The following FAM185A variants were observed in gnomAD, a reference collection of about 807,000 sequenced individuals.
FAM185A encodes the protein protein FAM185A.
In FAM185A, 21 loss-of-function variants were observed where a neutral mutation model predicts 45.7. The observed-to-expected ratio is 0.46, with a 90% confidence interval of 0.33 to 0.66. FAM185A has a LOEUF of 0.66. FAM185A is among the 30% of genes least tolerant of loss of function. The pLI, the probability that FAM185A is intolerant of heterozygous loss-of-function variation, is 0.03. For missense variants in FAM185A, 305 were observed against 485.4 expected, an observed-to-expected ratio of 0.63 and a Z score of 3.49; for synonymous variants, 117 against 194.0, an observed-to-expected ratio of 0.60 and a Z score of 3.30.
At chr7:102,810,814 G>A (rs1797386510), downstream of FAM185A, among the ~76,000 whole-genome samples, 1 of 151,998 alleles carries the variant, frequency 6.6e-6, no homozygotes, top group Admixed American at 6.6e-5. Context: ...CGAACTCCTG[G>A]CCTCCAGTTG....
chr7:102,822,467 G>A, the FAM185A span: 1 of 587,188 alleles, frequency 1.7e-6, no homozygotes, highest in Non-Finnish European at 3.2e-6. Flanking sequence ...GAGAGAGAGA[G>A]CTCTAGTCTT....
At chr7:102,800,166 C>T (rs959624324) in intron 7 of FAM185A, among the ~76,000 whole-genome samples, 5 of 152,108 alleles carry the variant, frequency 3.3e-5, no homozygotes, top group Admixed American at 6.5e-5. Context: ...CACCACAGCT[C>T]GGCTCTCAGG....
At position 102,758,032 on chromosome 7, in the gene FAM185A, G is replaced by A. The variant is rs7779331; in HGVS notation, c.654+86G>A. ...CAAGTTGGTAGGTTCTACAAAGTTC[G>A]TAGCATAACATTCCCTTTTTAATGC... On this transcript the variant is annotated intron_variant, in intron 3 of 7. Coordinates refer to ENST00000413034, the MANE Select transcript of FAM185A (RefSeq NM_001145268.2). The A allele has an allele frequency of 1.2e-4, 178 of 1,520,488 alleles. No homozygotes were observed. The African/African-American group carries it at 1.9e-3, about 17-fold the overall frequency. 94.2% of individuals were successfully genotyped at this position (1,520,488 alleles called of 1,614,324 possible). A position where few individuals can be genotyped will look rare whatever the true frequency, so the allele number is the denominator to read the frequency against.
intron 2 of FAM185A, among the ~76,000 whole-genome samples, chr7:102,752,005 A>G (rs555017274): frequency 6.6e-6 from 1 of 151,834 alleles, no homozygotes; most frequent in African/African-American, 2.4e-5. Flanking sequence ...TTTTGCCTCA[A>G]ATTTCTTTTG....
intron 6 of FAM185A, among the ~76,000 whole-genome samples, chr7:102,784,063 G>C (rs1189235311): frequency 3.8e-4 from 58 of 151,950 alleles, no homozygotes; most frequent in African/African-American, 1.4e-3. Context: ...CACCTCTACG[G>C]AAATAAACTA....
chr7:102,784,616 TTGACAAAATTCAACAACGC>T (rs1281859023), intron 6 of FAM185A, among the ~76,000 whole-genome samples: 2 of 152,084 alleles, frequency 1.3e-5, no homozygotes, highest in African/African-American at 2.4e-5. Context: ...AGAAAAGGCC[TTGACAAAATTCAACAACGC>T]TTCATGCTAA....
chr7:102,846,615 CAAAA>C, the FAM185A span, among the ~76,000 whole-genome samples: 1 of 122,486 alleles, frequency 8.2e-6, no homozygotes, highest in Non-Finnish European at 1.8e-5. Flanking sequence ...GACTCAGTCT[CAAAA>C]AAAAAAAAAA....
intron 6 of FAM185A, among the ~76,000 whole-genome samples, chr7:102,786,300 A>G (rs1360766490): frequency 6.6e-6 from 1 of 152,244 alleles, no homozygotes; most frequent in African/African-American, 2.4e-5. Context: ...TGAACTAGAA[A>G]TACCATTTGA....
intron 4 of FAM185A, among the ~76,000 whole-genome samples, chr7:102,767,272 G>A (rs891886720): frequency 1.3e-5 from 2 of 149,382 alleles, no homozygotes; most frequent in African/African-American, 4.9e-5. Flanking sequence ...TCCTCAGTTT[G>A]TGGCTTCCAA....
intron 7 of FAM185A, among the ~76,000 whole-genome samples, chr7:102,790,995 G>C (rs1293560987): frequency 6.6e-6 from 1 of 152,136 alleles, no homozygotes; most frequent in Admixed American, 6.6e-5. Flanking sequence ...ATACAGTACA[G>C]TGGGATCAAT....
At chr7:102,797,884 AGGGAGGC>A in intron 7 of FAM185A, among the ~76,000 whole-genome samples, 1 of 152,332 alleles carries the variant, frequency 6.6e-6, no homozygotes, top group South Asian at 2.1e-4. Context: ...GGGAGTGGGG[AGGGAGGC>A]AGGAAAAAGC....
chr7:102,758,385 T>C (rs181792581), intron 3 of FAM185A, among the ~76,000 whole-genome samples: 4 of 151,388 alleles, frequency 2.6e-5, no homozygotes, highest in Non-Finnish European at 5.9e-5. Context: ...TTCAGTATTT[T>C]CCACAAGGTG....
intron 2 of FAM185A, chr7:102,755,365 C>T (rs1793645911): frequency 3.4e-6 from 2 of 585,038 alleles, no homozygotes; most frequent in Middle Eastern, 4.6e-4. Context: ...CTATAAGCAG[C>T]TGAAAGTGCC....
the FAM185A span, among the ~76,000 whole-genome samples, chr7:102,822,851 T>C: frequency 2.0e-5 from 3 of 152,180 alleles, no homozygotes; most frequent in Non-Finnish European, 4.4e-5. Flanking sequence ...GGCAGGCAGA[T>C]TGCTTGAACC....
At chr7:102,814,902 C>A in the FAM185A span, among the ~76,000 whole-genome samples, 2 of 152,142 alleles carry the variant, frequency 1.3e-5, no homozygotes, top group African/African-American at 4.8e-5. Flanking sequence ...CATTACTATG[C>A]AAAAGTAGTG....
Position 102,789,582 on chromosome 7 carries a change from G to A in FAM185A, c.1066+2113G>A, listed in dbSNP as rs1323273768. On this transcript the variant is annotated intron_variant, in intron 7 of 7. Coordinates refer to ENST00000413034, the MANE Select transcript of FAM185A (RefSeq NM_001145268.2). The stretch of plus-strand genomic sequence containing the variant: ...AAATTAGCCGGGCGTGGTGGCGGGC[G>A]CCTGTAATCTCAGCTACTCAGGAGG... Among the ~76,000 whole-genome samples the A allele has an allele frequency of 3.9e-5, 6 of 152,236 alleles. No individual in the cohort carries two copies. In the South Asian group the frequency reaches 6.2e-4, roughly 16 times the overall value.
At chr7:102,848,132 CCTGCTAATGACATTAGCACCTGG>C in the FAM185A span, among the ~76,000 whole-genome samples, 1 of 152,144 alleles carries the variant, frequency 6.6e-6, no homozygotes, top group Non-Finnish European at 1.5e-5. Context: ...CTGATTTTCT[CCTGCTAATGACATTAGCACCTGG>C]CTGCTAATGA....
downstream of FAM185A, among the ~76,000 whole-genome samples, chr7:102,813,917 A>G (rs1797644824): frequency 1.3e-5 from 2 of 152,274 alleles, no homozygotes; most frequent in Non-Finnish European, 1.5e-5. Flanking sequence ...GCACCAGGCC[A>G]GGAGCTCTTA....
At chr7:102,758,426 GCTTTTTTTT>G (rs1347993682) in intron 3 of FAM185A, among the ~76,000 whole-genome samples, 9 of 95,864 alleles carry the variant, frequency 9.4e-5, no homozygotes, top group Non-Finnish European at 1.8e-4. Flanking sequence ...TGCTCTCACA[GCTTTTTTTT>G]TTTTTTTTTT....
Sources: gnomAD v4.1 joint callset for allele counts (sites outside exome capture counted in the v4.1 genomes callset) on GRCh38, gnomAD v4.1.1 for gene constraint, MANE v1.5 for transcripts, NCBI Gene and HGNC (gene_info 2026-07-23, HGNC 2026-07-21) for gene names.